The following BCO1 variants were observed in gnomAD, a reference collection of about 807,000 sequenced individuals.
The protein encoded by BCO1 is beta-carotene oxygenase 1.
In BCO1, 54 loss-of-function variants were observed where a neutral mutation model predicts 56.3. The observed-to-expected ratio is 0.96, with a 90% CI of 0.77 to 1.20. The LOEUF (loss-of-function observed/expected upper bound fraction) is 1.20. BCO1 is among the 50% of genes most tolerant of loss of function. The probability of loss-of-function intolerance (pLI) is 0.00; values close to 1 mark genes in which losing one functional copy is unlikely to be tolerated. For missense variants in BCO1, 801 were observed against 690.9 expected (o/e 1.16, Z -1.79); for synonymous variants, 318 against 266.1 (o/e 1.20, Z -1.90).
intron 2 of BCO1, among the ~76,000 whole-genome samples, chr16:81,256,695 C>G (rs149059640): frequency 3.6e-4 from 55 of 152,196 alleles, no homozygotes; most frequent in African/African-American, 1.3e-3. Context: ...TGAGACCAGC[C>G]CGGCCAACAG....
At chr16:81,278,609 A>C (rs529662970) in intron 7 of BCO1, among the ~76,000 whole-genome samples, 111 of 152,292 alleles carry the variant, frequency 7.3e-4, no homozygotes, top group African/African-American at 2.6e-3. Context: ...AGATAATTAC[A>C]GCTCAGGGCC....
At chr16:81,279,989 G>A (rs899530472) in intron 7 of BCO1, among the ~76,000 whole-genome samples, 6 of 152,138 alleles carry the variant, frequency 3.9e-5, no homozygotes, top group East Asian at 3.9e-4. Flanking sequence ...CTGGCTGGGC[G>A]TGGTGGCTCA....
chr16:81,280,028 C>T (rs1489468828), intron 7 of BCO1, among the ~76,000 whole-genome samples: 4 of 151,822 alleles, frequency 2.6e-5, no homozygotes, highest in African/African-American at 4.8e-5. Flanking sequence ...TTTGGGAGGC[C>T]GAGGCGGGTG....
At chr16:81,245,706 A>G (rs1905365530) in intron 2 of BCO1, 103 bp downstream of exon 2, 11 of 1,466,104 alleles carry the variant, frequency 7.5e-6, no homozygotes, top group Non-Finnish European at 9.4e-6. Flanking sequence ...GGAGGTCAGA[A>G]GTCTAAATCG....
At chr16:81,259,846 TG>T in intron 3 of BCO1, 41 bp downstream of exon 3, 2 of 1,613,164 alleles carry the variant, frequency 1.2e-6, no homozygotes, top group Non-Finnish European at 1.7e-6. Context: ...TCATGCTTTT[TG>T]CTATCCTTGA....
Position 81,287,314 on chromosome 16 carries a change from T to C in BCO1, c.1322T>C (p.Leu441Pro), listed in dbSNP as rs1364785681. The part of the protein sequence containing the change: ...IPTKIIKYDI[L>P]TKSSLKWRED... ...GTACAGATAATAAAATATGACATTC[T>C]CACAAAGTCATCCTTAAAATGGAGA... The change falls in exon 10 of 11, where the codon CTC becomes CCC. Residue 441 changes from leucine (L) to proline (P), a missense_variant. Leu to Pro is a moderately conservative substitution (Grantham distance 98). Coordinates refer to ENST00000258168, the MANE Select transcript of BCO1 (RefSeq NM_017429.3). 10 of 1,613,802 alleles carry C rather than the reference T, an allele frequency of 6.2e-6. No individual in the cohort carries two copies. Among genetic ancestry groups the C allele is most frequent in the Non-Finnish European group, 8.5e-6 (10 of 1,179,694 alleles).
At chr16:81,242,558 C>T (rs1905180316) in intron 1 of BCO1, among the ~76,000 whole-genome samples, 1 of 152,070 alleles carries the variant, frequency 6.6e-6, no homozygotes, top group South Asian at 2.1e-4. Context: ...CAAATAGAGG[C>T]CCATCAGTTC....
chr16:81,259,727 A>G lies in BCO1; in HGVS notation c.245A>G (p.Asn82Ser), dbSNP rs750572177. Residue 82 changes from asparagine to serine, a missense_variant, in exon 3 of 11, where the codon AAT becomes AGT. Transcript: ENST00000258168. ...CTGAGAAGCGATACCTACAACACCA[A>G]TATTGAGGCAAACAGGATTGTGGTG... ...KYLRSDTYNT[N>S]IEANRIVVSE... 1 of 1,614,078 alleles carries G rather than the reference A, an allele frequency of 6.2e-7. No individual in the cohort carries two copies. The highest frequency in any genetic ancestry group is 1.3e-5 in the African/African-American group (1 of 74,944).
intron 2 of BCO1, among the ~76,000 whole-genome samples, chr16:81,253,797 C>G (rs1597351313): frequency 6.6e-6 from 1 of 152,034 alleles, no homozygotes; most frequent in African/African-American, 2.4e-5. Flanking sequence ...GATCCCATCT[C>G]TACAAAAAAT....
At chr16:81,262,471 T>G (rs1906549660) in intron 4 of BCO1, 188 bp downstream of exon 4, 2 of 652,964 alleles carry the variant, frequency 3.1e-6, no homozygotes, top group Admixed American at 2.3e-5. Context: ...TGTTTTTATC[T>G]TCGTGTCTGT....
At chr16:81,242,514 T>G (rs946628099) in intron 1 of BCO1, among the ~76,000 whole-genome samples, 10 of 152,252 alleles carry the variant, frequency 6.6e-5, no homozygotes, top group African/African-American at 2.2e-4. Context: ...CTGTCATTTT[T>G]CAGTGCTCCA....
intron 2 of BCO1, among the ~76,000 whole-genome samples, chr16:81,245,883 A>G (rs1330755588): frequency 2.1e-5 from 2 of 93,030 alleles, no homozygotes; most frequent in African/African-American, 4.3e-5. Flanking sequence ...TTTCTCTGAG[A>G]CGGAGTTTTG....
chr16:81,268,096 TG>T lies in BCO1; in HGVS notation c.811del (p.Ala271ProfsTer70). ...AACCGCATACATCCGGAGAATGAGC[TG>T]GGCCTCCTGCCTGGCTTTCCACAGG... is the stretch of plus-strand genomic sequence containing the variant. ...MATAYIRRMSWASCLAFHREE... is the reference protein window; with the variant it reads ...MATAYIRRMSXASCLAFHREE... On this transcript the variant is annotated frameshift_variant, in exon 6 of 11. Transcript: ENST00000258168. LOFTEE classifies it high-confidence loss of function. The T allele has an allele frequency of 1.2e-6, 2 of 1,611,306 alleles. No homozygotes were observed. The highest frequency in any genetic ancestry group is 8.5e-7 in the Non-Finnish European group (1 of 1,179,984).
intron 5 of BCO1, among the ~76,000 whole-genome samples, chr16:81,266,782 G>A (rs1355050252): frequency 6.6e-6 from 1 of 152,136 alleles, no homozygotes; most frequent in East Asian, 1.9e-4. Flanking sequence ...CCTGCTCCAT[G>A]CTGGCGGTGG....
chr16:81,287,302 A>C lies in BCO1; in HGVS notation c.1310A>C (p.Lys437Thr), dbSNP rs1908238352. The C allele has an allele frequency of 6.2e-7, 1 of 1,612,068 alleles. No individual in the cohort carries two copies. Among genetic ancestry groups the C allele is most frequent in the Non-Finnish European group, 8.5e-7 (1 of 1,178,256 alleles). Residue 437 changes from lysine to threonine, a missense_variant, in exon 10 of 11, where the codon AAA becomes ACA. Lys to Thr is a moderately conservative substitution (Grantham distance 78). Transcript: ENST00000258168. The stretch of plus-strand genomic sequence containing the variant: ...TCCTCGTTGGATGTACAGATAATAA[A>C]ATATGACATTCTCACAAAGTCATCC... The part of the protein sequence containing the change: ...QWSPIPTKII[K>T]YDILTKSSLK...
chr16:81,268,606 T>G (rs1906984549), intron 6 of BCO1, among the ~76,000 whole-genome samples: 1 of 152,232 alleles, frequency 6.6e-6, no homozygotes, highest in South Asian at 2.1e-4. Context: ...TCCATTCAGG[T>G]ACACCTGAGT....
chr16:81,247,153 G>C (rs965716126), intron 2 of BCO1, among the ~76,000 whole-genome samples: 1 of 152,140 alleles, frequency 6.6e-6, no homozygotes, highest in Non-Finnish European at 1.5e-5. Context: ...TCACACAGTG[G>C]ACAGATTTGT....
chr16:81,277,450 C>G (rs923343732), intron 7 of BCO1, among the ~76,000 whole-genome samples: 3 of 152,184 alleles, frequency 2.0e-5, no homozygotes, highest in African/African-American at 7.2e-5. Flanking sequence ...GTGTGTGGCC[C>G]TGGACCAGCC....
chr16:81,282,813 T>A (rs1907959947), intron 8 of BCO1, among the ~76,000 whole-genome samples: 1 of 152,164 alleles, frequency 6.6e-6, no homozygotes, highest in South Asian at 2.1e-4. Flanking sequence ...CCTCCCATCA[T>A]GCATGGATTG....
Sources: allele counts gnomAD v4.1 joint callset (sites outside exome capture counted in the v4.1 genomes callset), GRCh38; gene constraint gnomAD v4.1.1; transcripts MANE v1.5; gene names NCBI Gene and HGNC (gene_info 2026-07-23, HGNC 2026-07-21).